The following DLG2 variants were observed in gnomAD, a reference collection of about 807,000 sequenced individuals.
DLG2 encodes discs large MAGUK scaffold protein 2, also known as disks large homolog 2.
In DLG2, 45 loss-of-function variants were observed where a neutral mutation model predicts 132.5. The observed-to-expected ratio is 0.34, with a 90% confidence interval of 0.27 to 0.44. The LOEUF (loss-of-function observed/expected upper bound fraction) is 0.44, where lower values mean the gene tolerates loss of function less well. Among genes scored for constraint, DLG2 ranks in the 20% least tolerant of loss-of-function variants. The probability of loss-of-function intolerance (pLI) is 1.00; values close to 1 mark genes in which losing one functional copy is unlikely to be tolerated. For missense variants in DLG2, 1,045 were observed against 1,196.9 expected (o/e 0.87, Z 1.87); for synonymous variants, 424 against 419.6 (o/e 1.01, Z -0.13).
At chr11:84,834,909 A>C (rs1444474095) in intron 6 of DLG2, among the ~76,000 whole-genome samples, 1 of 151,532 alleles carries the variant, frequency 6.6e-6, no homozygotes, top group African/African-American at 2.4e-5. Context: ...TAATGAAAAA[A>C]AAAAATTTTT....
At position 84,543,554 on chromosome 11, in the gene DLG2, C is replaced by T. The variant is rs118104367; in HGVS notation, c.358-8823G>A. Among the ~76,000 whole-genome samples the T allele has an allele frequency of 2.8e-3, 430 of 152,280 alleles. 4 individuals are homozygous for T. The highest frequency in any genetic ancestry group is 5.3e-3 in the Non-Finnish European group (359 of 68,030). Reference sequence around the variant, plus strand: ...GCCCCTCTCCCCATGGGGTCAAGGGCCCCACCTGCTTGGTTTACTGCTGAC... The same window carrying T: ...GCCCCTCTCCCCATGGGGTCAAGGGTCCCACCTGCTTGGTTTACTGCTGAC... On this transcript the variant is annotated intron_variant, in intron 6 of 27. Transcript: ENST00000376104.
At chr11:83,553,986 C>T (rs772058153) in intron 19 of DLG2, among the ~76,000 whole-genome samples, 1 of 150,198 alleles carries the variant, frequency 6.7e-6, no homozygotes, top group Non-Finnish European at 1.5e-5. Flanking sequence ...AACTTGAACT[C>T]TGGGGCTCAA....
At chr11:84,831,611 C>T (rs1383294880) in intron 6 of DLG2, among the ~76,000 whole-genome samples, 1 of 151,556 alleles carries the variant, frequency 6.6e-6, no homozygotes, top group Non-Finnish European at 1.5e-5. Context: ...AGATAACTTT[C>T]TCCCTACCCC....
intron 21 of DLG2, among the ~76,000 whole-genome samples, chr11:83,529,209 A>T (rs773408634): frequency 3.9e-5 from 6 of 152,148 alleles, no homozygotes; most frequent in African/African-American, 9.7e-5. Context: ...TGCTGAATTT[A>T]TCCCAAGGTC....
intron 6 of DLG2, among the ~76,000 whole-genome samples, chr11:85,096,177 C>T (rs957686635): frequency 9.2e-5 from 14 of 152,248 alleles, no homozygotes; most frequent in Admixed American, 2.0e-4. Flanking sequence ...AGGATGTGGG[C>T]GGGGCCAAAT....
At chr11:84,551,438 C>T (rs557848747) in intron 6 of DLG2, among the ~76,000 whole-genome samples, 5 of 152,310 alleles carry the variant, frequency 3.3e-5, no homozygotes, top group Non-Finnish European at 7.3e-5. Flanking sequence ...TCTTGTCCTG[C>T]TGCCCTGCTG....
chr11:83,881,568 G>C (rs952734929), intron 15 of DLG2, among the ~76,000 whole-genome samples: 4 of 152,146 alleles, frequency 2.6e-5, no homozygotes, highest in Non-Finnish European at 5.9e-5. Context: ...ACTGTGCATT[G>C]TGGCAAATCA....
intron 11 of DLG2, among the ~76,000 whole-genome samples, chr11:84,053,659 C>T (rs2096444761): frequency 6.6e-6 from 1 of 151,866 alleles, no homozygotes; most frequent in Non-Finnish European, 1.5e-5. Context: ...TAGATATAGC[C>T]ATTTTGCAGA....
At chr11:83,771,935 T>C (rs1407630336) in intron 18 of DLG2, among the ~76,000 whole-genome samples, 1 of 152,206 alleles carries the variant, frequency 6.6e-6, no homozygotes, top group Non-Finnish European at 1.5e-5. Flanking sequence ...ATGGGGTGGT[T>C]TTAACCTTGA....
chr11:84,873,012 A>G (rs2085725693), intron 6 of DLG2, among the ~76,000 whole-genome samples: 1 of 152,224 alleles, frequency 6.6e-6, no homozygotes, highest in Non-Finnish European at 1.5e-5. Context: ...TCTATTTCAC[A>G]TGGTAGACAG....
chr11:84,684,282 T>A (rs1275651334), intron 6 of DLG2, among the ~76,000 whole-genome samples: 1 of 152,104 alleles, frequency 6.6e-6, no homozygotes, highest in Non-Finnish European at 1.5e-5. Flanking sequence ...TTTCCTTGAG[T>A]GCTAATTTTA....
chr11:83,545,478 C>T (rs2096214917), intron 19 of DLG2, among the ~76,000 whole-genome samples: 1 of 152,058 alleles, frequency 6.6e-6, no homozygotes, highest in Non-Finnish European at 1.5e-5. Flanking sequence ...TAAAATATCT[C>T]TGTATCCTCA....
chr11:84,224,203 C>T (rs953689377), intron 8 of DLG2, among the ~76,000 whole-genome samples: 2 of 152,148 alleles, frequency 1.3e-5, no homozygotes, highest in African/African-American at 2.4e-5. Flanking sequence ...AAGTTGAGAG[C>T]GGTTATTTCC....
At chr11:83,486,926 T>C (rs1341471667) in intron 21 of DLG2, among the ~76,000 whole-genome samples, 1 of 152,178 alleles carries the variant, frequency 6.6e-6, no homozygotes, top group African/African-American at 2.4e-5. Flanking sequence ...CAGTATTCTT[T>C]ATTTTTTATT....
chr11:84,205,414 G>A (rs1218948610), intron 8 of DLG2, among the ~76,000 whole-genome samples: 1 of 151,936 alleles, frequency 6.6e-6, no homozygotes, highest in East Asian at 1.9e-4. Flanking sequence ...AGAACACTCA[G>A]TATATGCATA....
chr11:84,289,325 G>A (rs996046942), intron 7 of DLG2, among the ~76,000 whole-genome samples: 1 of 152,090 alleles, frequency 6.6e-6, no homozygotes, highest in Non-Finnish European at 1.5e-5. Flanking sequence ...AAGCTTTTAT[G>A]AGGAAATTAG....
At chr11:84,792,469 T>A (rs984732687) in intron 6 of DLG2, among the ~76,000 whole-genome samples, 1 of 152,090 alleles carries the variant, frequency 6.6e-6, no homozygotes, top group Non-Finnish European at 1.5e-5. Context: ...TCCTTTCTCT[T>A]CTTTTTTTTT....
intron 6 of DLG2, among the ~76,000 whole-genome samples, chr11:84,668,814 T>C (rs2099702612): frequency 6.6e-6 from 1 of 152,164 alleles, no homozygotes; most frequent in Non-Finnish European, 1.5e-5. Flanking sequence ...ACATTCAATT[T>C]TTAAATTAAT....
intron 19 of DLG2, among the ~76,000 whole-genome samples, chr11:83,597,391 CAT>C (rs1264342576): frequency 1.3e-5 from 2 of 152,008 alleles, no homozygotes; most frequent in Admixed American, 1.3e-4. Context: ...ATCTAGGAAA[CAT>C]AGAGTAAAAC....
Sources: allele counts gnomAD v4.1 joint callset (sites outside exome capture counted in the v4.1 genomes callset), GRCh38; gene constraint gnomAD v4.1.1; transcripts MANE v1.5; gene names NCBI Gene and HGNC (gene_info 2026-07-23, HGNC 2026-07-21).